ASCC1: variants seen among roughly 807,000 people sequenced by gnomAD.
ASCC1 encodes the protein activating signal cointegrator 1 complex subunit 1.
In ASCC1, 35 loss-of-function variants were observed where a neutral mutation model predicts 46.6. The ratio of observed to expected loss-of-function variants is 0.75; its 90% CI spans 0.57 to 0.99. The LOEUF (loss-of-function observed/expected upper bound fraction) is 0.99. Ranked by LOEUF, ASCC1 falls within the 50% of genes least tolerant of loss-of-function variation. ASCC1 has a pLI of 0.00. For missense variants in ASCC1, 376 were observed against 428.7 expected, an observed-to-expected ratio of 0.88 and a Z score of 1.09; for synonymous variants, 143 against 146.6, an observed-to-expected ratio of 0.98 and a Z score of 0.18.
At chr10:72,189,979 GA>G in intron 5 of ASCC1, 1 of 755,604 alleles carries the variant, frequency 1.3e-6, no homozygotes, top group South Asian at 1.3e-5. Flanking sequence ...TACGGAGAAA[GA>G]AACAGTCTGA....
intron 4 of ASCC1, 152 bp from the exon 5 acceptor site, chr10:72,197,141 C>G: frequency 2.7e-6 from 2 of 744,510 alleles, no homozygotes; most frequent in Admixed American, 4.4e-5. Context: ...AAGAAAACTG[C>G]TAATTAATTC....
At chr10:72,141,290 A>G (rs1434253751) in intron 7 of ASCC1, among the ~76,000 whole-genome samples, 2 of 152,154 alleles carry the variant, frequency 1.3e-5, no homozygotes, top group Non-Finnish European at 2.9e-5. Flanking sequence ...TCTTTTTAAC[A>G]CATAATAATC....
chr10:72,217,069 G>A, upstream of ASCC1: 1 of 454,104 alleles, frequency 2.2e-6, no homozygotes, highest in South Asian at 1.6e-5. Context: ...CATCCGAAAT[G>A]CTCGGGACTG....
At chr10:72,145,457 TC>T (rs967165820) in intron 7 of ASCC1, among the ~76,000 whole-genome samples, 2 of 152,186 alleles carry the variant, frequency 1.3e-5, no homozygotes, top group African/African-American at 4.8e-5. Context: ...GAAAGAACCT[TC>T]CCACCACTCT....
At chr10:72,102,340 GCT>G (rs1482359941) in intron 9 of ASCC1, 1 of 1,548,964 alleles carries the variant, frequency 6.5e-7, no homozygotes, top group East Asian at 2.4e-5. Flanking sequence ...TTACCCACTA[GCT>G]CTCTGTGTCC....
At chr10:72,183,640 C>T (rs370682463) in intron 5 of ASCC1, among the ~76,000 whole-genome samples, 1 of 151,600 alleles carries the variant, frequency 6.6e-6, no homozygotes, top group Non-Finnish European at 1.5e-5. Context: ...CTGAGTGAGA[C>T]CATGTCTCAA....
At chr10:72,143,654 T>C (rs528224899) in intron 7 of ASCC1, among the ~76,000 whole-genome samples, 50 of 149,448 alleles carry the variant, frequency 3.3e-4, no homozygotes, top group Middle Eastern at 3.4e-3. Flanking sequence ...TACTGTTCCA[T>C]GTGCCTGAAA....
intron 7 of ASCC1, among the ~76,000 whole-genome samples, chr10:72,142,768 T>C (rs1847175136): frequency 6.6e-6 from 1 of 152,016 alleles, no homozygotes; most frequent in African/African-American, 2.4e-5. Flanking sequence ...TTTAAATACC[T>C]CCCCCTCCTG....
At chr10:72,214,945 T>A (rs1781890466) in intron 1 of ASCC1, among the ~76,000 whole-genome samples, 1 of 152,182 alleles carries the variant, frequency 6.6e-6, no homozygotes, top group South Asian at 2.1e-4. Flanking sequence ...AAGCTTCTGG[T>A]CACATCACTT....
Position 72,133,302 on chromosome 10 carries a change from C to T in ASCC1, c.747-121G>A, listed in dbSNP as rs188016296. ...CTAATCACCATACAAAGCCCTGCAT[C>T]ACAGGAGGAAGAATAAGAGACTCAT... On this transcript the variant is annotated intron_variant, in intron 7 of 9. Transcript: ENST00000672957. 24 of 999,576 alleles carry T rather than the reference C, an allele frequency of 2.4e-5. No homozygotes were observed. The African/African-American group carries it at 3.5e-4, about 15-fold the overall frequency. 61.9% of individuals were successfully genotyped at this position (999,576 alleles called of 1,614,324 possible).
At chr10:72,207,582 T>C (rs1044666932) in intron 3 of ASCC1, among the ~76,000 whole-genome samples, 4 of 152,164 alleles carry the variant, frequency 2.6e-5, no homozygotes, top group African/African-American at 7.2e-5. Flanking sequence ...ACCTGGGTCC[T>C]GCTCCCACAG....
intron 7 of ASCC1, among the ~76,000 whole-genome samples, chr10:72,147,779 AT>A (rs1351360215): frequency 1.3e-5 from 2 of 152,234 alleles, no homozygotes; most frequent in African/African-American, 4.8e-5. Context: ...CTAAATGGAA[AT>A]AATACAATCT....
intron 9 of ASCC1, among the ~76,000 whole-genome samples, chr10:72,098,204 A>G (rs896453108): frequency 2.0e-5 from 3 of 152,244 alleles, no homozygotes; most frequent in African/African-American, 7.2e-5. Context: ...TGATTACCAC[A>G]TTTATAAGGC....
At chr10:72,190,067 AC>A in intron 5 of ASCC1, 1 of 758,144 alleles carries the variant, frequency 1.3e-6, no homozygotes. Context: ...TCCCCACCCC[AC>A]CCAGCCTGAT....
chr10:72,160,275 G>C (rs112611304), intron 6 of ASCC1, among the ~76,000 whole-genome samples: 5 of 152,164 alleles, frequency 3.3e-5, no homozygotes, highest in African/African-American at 9.6e-5. Flanking sequence ...CAATGAACCA[G>C]GTAAACCATT....
chr10:72,142,540 T>C (rs1847147412), intron 7 of ASCC1, among the ~76,000 whole-genome samples: 1 of 152,066 alleles, frequency 6.6e-6, no homozygotes, highest in Non-Finnish European at 1.5e-5. Context: ...CTAATTTTTG[T>C]ATTTTTCGTA....
intron 3 of ASCC1, among the ~76,000 whole-genome samples, chr10:72,205,035 A>G (rs1206655340): frequency 6.6e-6 from 1 of 152,212 alleles, no homozygotes; most frequent in African/African-American, 2.4e-5. Context: ...TAACCACTGT[A>G]AGCCTACTTC....
chr10:72,213,558 T>C (rs917504083), intron 1 of ASCC1, among the ~76,000 whole-genome samples: 1 of 148,154 alleles, frequency 6.7e-6, no homozygotes, highest in Non-Finnish European at 1.5e-5. Context: ...TTGTAAACTA[T>C]TTATCACCCC....
intron 5 of ASCC1, among the ~76,000 whole-genome samples, chr10:72,166,489 T>A (rs1190435399): frequency 1.5e-5 from 2 of 133,080 alleles, no homozygotes; most frequent in African/African-American, 5.6e-5. Context: ...ATAATTGAGT[T>A]TTTTTTCTCT....
Sources: gnomAD v4.1 joint callset for allele counts (sites outside exome capture counted in the v4.1 genomes callset) on GRCh38, gnomAD v4.1.1 for gene constraint, MANE v1.5 for transcripts, NCBI Gene and HGNC (gene_info 2026-07-23, HGNC 2026-07-21) for gene names.